Variants in ANO3 observed in about 807,000 individuals in gnomAD.
ANO3 encodes anoctamin 3.
Under a neutral mutation model 144.8 loss-of-function variants are expected in ANO3, and 99 were observed. The ratio of observed to expected loss-of-function variants is 0.68; its 90% CI spans 0.58 to 0.81. The LOEUF is 0.81. Ranked by LOEUF, ANO3 falls within the 30% of genes least tolerant of loss-of-function variation. ANO3 has a pLI of 0.00. For missense variants in ANO3, 905 were observed against 1,202.2 expected (o/e 0.75, Z 3.66); for synonymous variants, 414 against 392.6 (o/e 1.05, Z -0.64).
chr11:26,311,596 G>A (rs1854502567), intron 1 of ANO3, among the ~76,000 whole-genome samples: 1 of 152,194 alleles, frequency 6.6e-6, no homozygotes, highest in African/African-American at 2.4e-5. Flanking sequence ...TATTACTAAA[G>A]AGGAGAAGGA....
intron 12 of ANO3, among the ~76,000 whole-genome samples, chr11:26,551,535 A>G (rs1160213243): frequency 6.6e-6 from 1 of 152,052 alleles, no homozygotes; most frequent in African/African-American, 2.4e-5. Flanking sequence ...TGATTCTAGC[A>G]GTAAAAAGAT....
chr11:26,421,355 T>C (rs980099251), intron 1 of ANO3, among the ~76,000 whole-genome samples: 1 of 152,052 alleles, frequency 6.6e-6, no homozygotes, highest in African/African-American at 2.4e-5. Flanking sequence ...TGTCCATTTA[T>C]GCTTTTTTCT....
intron 1 of ANO3, among the ~76,000 whole-genome samples, chr11:26,256,054 A>T (rs1261813279): frequency 6.6e-6 from 1 of 152,132 alleles, no homozygotes; most frequent in Non-Finnish European, 1.5e-5. Flanking sequence ...GAAAGGCAGG[A>T]CACTATCAGG....
At chr11:26,625,537 A>G (rs1050713806) in intron 18 of ANO3, among the ~76,000 whole-genome samples, 1 of 152,168 alleles carries the variant, frequency 6.6e-6, no homozygotes, top group Non-Finnish European at 1.5e-5. Context: ...GGCATGGTAT[A>G]TTCTATAATT....
intron 3 of ANO3, among the ~76,000 whole-genome samples, chr11:26,451,273 A>C (rs2134037685): frequency 6.6e-6 from 1 of 152,340 alleles, no homozygotes; most frequent in South Asian, 2.1e-4. Flanking sequence ...GAGCCGAAGC[A>C]GGGCAAGGCA....
intron 1 of ANO3, among the ~76,000 whole-genome samples, chr11:26,391,421 G>C (rs1450711590): frequency 6.6e-6 from 1 of 152,018 alleles, no homozygotes; most frequent in Non-Finnish European, 1.5e-5. Context: ...TCTTAATACT[G>C]TTAATATTGG....
intron 1 of ANO3, among the ~76,000 whole-genome samples, chr11:26,232,428 G>T (rs113202325): frequency 1.3e-5 from 2 of 151,628 alleles, no homozygotes; most frequent in African/African-American, 4.8e-5. Flanking sequence ...TTGACTTACA[G>T]GTTCATGAAA....
intron 1 of ANO3, among the ~76,000 whole-genome samples, chr11:26,326,607 A>G (rs1204042746): frequency 3.9e-5 from 6 of 152,304 alleles, no homozygotes; most frequent in Middle Eastern, 3.4e-3. Context: ...AATAGAGACC[A>G]CACTGTTCAC....
At chr11:26,275,660 G>C (rs1291861270) in intron 1 of ANO3, among the ~76,000 whole-genome samples, 3 of 152,068 alleles carry the variant, frequency 2.0e-5, no homozygotes, top group Non-Finnish European at 2.9e-5. Context: ...TTTCACCTGC[G>C]TAACTCTGGA....
chr11:26,349,073 G>A (rs1855569142), intron 1 of ANO3, among the ~76,000 whole-genome samples: 1 of 152,234 alleles, frequency 6.6e-6, no homozygotes, highest in South Asian at 2.1e-4. Context: ...AAAATGTCAT[G>A]GGCTTCTTAT....
At chr11:26,639,827 C>T (rs2133054645) in intron 21 of ANO3, among the ~76,000 whole-genome samples, 1 of 152,236 alleles carries the variant, frequency 6.6e-6, no homozygotes, top group East Asian at 1.9e-4. Context: ...CTCACTTTCT[C>T]ATATATTAAA....
chr11:26,459,918 C>T (rs1041938577), intron 3 of ANO3, among the ~76,000 whole-genome samples: 1 of 151,956 alleles, frequency 6.6e-6, no homozygotes, highest in Non-Finnish European at 1.5e-5. Context: ...AAGGAACATT[C>T]CTGCTAACAC....
At chr11:26,430,391 A>G (rs1257181884) in intron 1 of ANO3, among the ~76,000 whole-genome samples, 1 of 152,200 alleles carries the variant, frequency 6.6e-6, no homozygotes. Context: ...TAAAAAACCT[A>G]AACAACTCTT....
At chr11:26,436,213 G>A (rs180793041) in intron 1 of ANO3, among the ~76,000 whole-genome samples, 41 of 152,290 alleles carry the variant, frequency 2.7e-4, no homozygotes, top group African/African-American at 5.1e-4. Flanking sequence ...CACTGTTCCC[G>A]TGGATTCTCC....
At chr11:26,373,552 G>C (rs1222654793) in intron 1 of ANO3, among the ~76,000 whole-genome samples, 1 of 152,186 alleles carries the variant, frequency 6.6e-6, no homozygotes, top group African/African-American at 2.4e-5. Flanking sequence ...TGTGAAAACA[G>C]ATGAATACAT....
chr11:26,439,809 G>A (rs1359024645), intron 1 of ANO3, among the ~76,000 whole-genome samples: 1 of 152,048 alleles, frequency 6.6e-6, no homozygotes, highest in Admixed American at 6.5e-5. Context: ...CCAATAAACT[G>A]ATAACATTCA....
rs1020455475 is a variant in ANO3, at chr11:26,211,255, C to T, written c.154+21925C>T. ...AATTGAACAACATGCTCCTGAACAACTACTGGGTAAATAACGAAATTAAGG... is the reference window on the plus strand; with the variant it reads ...AATTGAACAACATGCTCCTGAACAATTACTGGGTAAATAACGAAATTAAGG... On this transcript the variant is annotated intron_variant, in intron 1 of 27. Transcript: ENST00000672621. 1.1e-4 allele frequency among the ~76,000 whole-genome samples: 17 copies of T among 152,248 alleles called. No individual in the cohort carries two copies. The East Asian group carries it at 2.3e-3, about 21-fold the overall frequency.
intron 4 of ANO3, among the ~76,000 whole-genome samples, chr11:26,496,365 A>C (rs950006001): frequency 1.4e-4 from 22 of 152,198 alleles, no homozygotes; most frequent in Non-Finnish European, 1.5e-4. Context: ...CCTGGCACCT[A>C]GGACACAAAA....
chr11:26,243,868 C>G (rs544693257), intron 1 of ANO3, among the ~76,000 whole-genome samples: 22 of 151,776 alleles, frequency 1.4e-4, no homozygotes, highest in Non-Finnish European at 2.4e-4. Flanking sequence ...GCCTGTAATC[C>G]CAGCACTTTG....
Sources: gnomAD v4.1 joint callset for allele counts (sites outside exome capture counted in the v4.1 genomes callset) on GRCh38, gnomAD v4.1.1 for gene constraint, MANE v1.5 for transcripts, NCBI Gene and HGNC (gene_info 2026-07-23, HGNC 2026-07-21) for gene names.